Variants in PTPN3 observed in about 807,000 individuals in gnomAD.
PTPN3 encodes protein tyrosine phosphatase non-receptor type 3, also known as tyrosine-protein phosphatase non-receptor type 3.
Under a neutral mutation model 132.7 loss-of-function variants are expected in PTPN3, and 96 were observed. The ratio of observed to expected loss-of-function variants is 0.72; its 90% confidence interval spans 0.61 to 0.86. The LOEUF (loss-of-function observed/expected upper bound fraction) is 0.86. Among genes scored for constraint, PTPN3 ranks in the 40% least tolerant of loss-of-function variants. The pLI is 0.00. For synonymous variants in PTPN3, 398 were observed against 429.0 expected (o/e 0.93, Z 0.89); for missense variants, 1,125 against 1,159.6 (o/e 0.97, Z 0.43).
At chr9:109,380,265 C>CTATCT (rs1310998864) in intron 25 of PTPN3, among the ~76,000 whole-genome samples, 2 of 149,412 alleles carry the variant, frequency 1.3e-5, no homozygotes, top group Admixed American at 1.3e-4. Flanking sequence ...ATCTATCTAT[C>CTATCT]TAGTTTTCAA....
At chr9:109,525,222 T>TA in the PTPN3 span, among the ~76,000 whole-genome samples, 22 of 151,096 alleles carry the variant, frequency 1.5e-4, no homozygotes, top group African/African-American at 4.9e-4. Context: ...CCCAGATAAT[T>TA]AAAAAAAAAT....
chr9:109,512,118 A>G, the PTPN3 span, among the ~76,000 whole-genome samples: 1 of 152,172 alleles, frequency 6.6e-6, no homozygotes, highest in African/African-American at 2.4e-5. Flanking sequence ...CCACATTTTT[A>G]TCATCAGGGC....
chr9:109,437,482 G>A (rs892646312), intron 8 of PTPN3, among the ~76,000 whole-genome samples: 1 of 152,202 alleles, frequency 6.6e-6, no homozygotes, highest in Admixed American at 6.5e-5. Context: ...CAAGAAGAGA[G>A]CAGCCCCTTG....
At chr9:109,409,837 T>G (rs181103104) in intron 16 of PTPN3, among the ~76,000 whole-genome samples, 162 bp downstream of exon 16, 8 of 151,726 alleles carry the variant, frequency 5.3e-5, no homozygotes, top group Admixed American at 1.3e-4. Context: ...CCCAAATATC[T>G]CAAACCAAAC....
chr9:109,466,403 C>T (rs555907864), intron 1 of PTPN3, among the ~76,000 whole-genome samples: 22 of 152,230 alleles, frequency 1.4e-4, no homozygotes, highest in Admixed American at 1.4e-3. Context: ...CTCTGGAGGC[C>T]AAGGTGGGAG....
At chr9:109,412,188 T>C (rs1019248115) in intron 14 of PTPN3, among the ~76,000 whole-genome samples, 1 of 151,858 alleles carries the variant, frequency 6.6e-6, no homozygotes, top group Non-Finnish European at 1.5e-5. Context: ...TCCCTCTCTC[T>C]CCCTCCCTGC....
intron 1 of PTPN3, among the ~76,000 whole-genome samples, chr9:109,467,798 T>C (rs1375600765): frequency 1.3e-5 from 2 of 152,202 alleles, no homozygotes; most frequent in Non-Finnish European, 2.9e-5. Flanking sequence ...TTAGCAATGA[T>C]GCTGTCCAGC....
intron 22 of PTPN3, 147 bp from the exon 23 acceptor site, chr9:109,383,698 G>T: frequency 8.2e-7 from 1 of 1,225,418 alleles, no homozygotes; most frequent in Non-Finnish European, 1.1e-6. Flanking sequence ...AAGTCCATCA[G>T]CTGTTTCTCA....
At chr9:109,446,658 G>A (rs911965322) in intron 6 of PTPN3, among the ~76,000 whole-genome samples, 2 of 152,116 alleles carry the variant, frequency 1.3e-5, no homozygotes, top group South Asian at 2.1e-4. Context: ...ATGGGATTTG[G>A]GGAACAACTT....
intron 19 of PTPN3, among the ~76,000 whole-genome samples, chr9:109,398,828 C>T (rs926491784): frequency 6.6e-6 from 1 of 152,140 alleles, no homozygotes; most frequent in Non-Finnish European, 1.5e-5. Context: ...AGATCCTGTC[C>T]TTTGCTTAAA....
Position 109,436,856 on chromosome 9 carries a change from G to C in PTPN3, c.675+27C>G, listed in dbSNP as rs369829658. ...AGATTAAAATAAAAACATAATGTTT[G>C]AGCCAAGACATAACAAGAATACATA... is the stretch of plus-strand genomic sequence containing the variant. On this transcript the variant is annotated intron_variant, in intron 9 of 25. Transcript: ENST00000374541. 5.7e-6 allele frequency: 9 copies of C among 1,591,708 alleles called. No homozygotes were observed. The African/African-American group carries it at 1.2e-4, about 22-fold the overall frequency.
chr9:109,487,803 A>G (rs1391697399), intron 1 of PTPN3, among the ~76,000 whole-genome samples: 1 of 152,240 alleles, frequency 6.6e-6, no homozygotes, highest in African/African-American at 2.4e-5. Flanking sequence ...TACATGGCCC[A>G]TCTGATAAAC....
In PTPN3 at chr9:109,391,489, A is replaced by T; in HGVS notation, c.2026T>A (p.Tyr676Asn). ...TACTCACAAGGCAGCACATCTTTAT[A>T]TCGGTTTTTGTCCAAATTTTGAGGC... is the stretch of plus-strand genomic sequence containing the variant. ...KLPQNLDKNRYKDVLPYDTTR... is the reference protein window; with the variant it reads ...KLPQNLDKNRNKDVLPYDTTR... Residue 676 changes from tyrosine (Y) to asparagine (N), a missense_variant, in exon 20 of 26, where the codon TAT becomes AAT. Physicochemically the swap from Tyr to Asn is moderately radical, Grantham distance 143. Transcript: ENST00000374541. 6.2e-7 allele frequency: 1 copy of T among 1,613,604 alleles called. No individual in the cohort carries two copies. Among genetic ancestry groups the T allele is most frequent in the African/African-American group, 1.3e-5 (1 of 75,048 alleles).
intron 19 of PTPN3, among the ~76,000 whole-genome samples, chr9:109,393,895 A>G (rs1309514594): frequency 6.6e-6 from 1 of 152,260 alleles, no homozygotes; most frequent in South Asian, 2.1e-4. Flanking sequence ...GATAATTAAC[A>G]TAGAGAGTTT....
At chr9:109,410,513 G>A (rs2131767737) in intron 14 of PTPN3, 98 bp from the exon 15 acceptor site, 1 of 1,338,514 alleles carries the variant, frequency 7.5e-7, no homozygotes, top group African/African-American at 1.5e-5. Flanking sequence ...GGGGCTGTAT[G>A]TTTCCCTGGA....
intron 23 of PTPN3, among the ~76,000 whole-genome samples, chr9:109,382,751 G>GTTTT (rs113019092): frequency 7.9e-6 from 1 of 127,184 alleles, no homozygotes; most frequent in Non-Finnish European, 1.7e-5. Context: ...CATGCTGACT[G>GTTTT]TTTTTTTTTT....
intron 17 of PTPN3, among the ~76,000 whole-genome samples, chr9:109,407,351 T>G (rs1841650469): frequency 1.3e-5 from 2 of 152,058 alleles, no homozygotes; most frequent in South Asian, 4.2e-4. Flanking sequence ...CATTCCAGCC[T>G]GGGTGACAGA....
chr9:109,435,079 G>A (rs1843939194), intron 9 of PTPN3, among the ~76,000 whole-genome samples: 1 of 152,212 alleles, frequency 6.6e-6, no homozygotes, highest in African/African-American at 2.4e-5. Flanking sequence ...AACAGAGGGA[G>A]TATGAAGCAG....
intron 22 of PTPN3, 126 bp from the exon 23 acceptor site, chr9:109,383,677 C>G: frequency 7.5e-7 from 1 of 1,327,882 alleles, no homozygotes; most frequent in Non-Finnish European, 1.0e-6. Context: ...TGGGAGAAAA[C>G]AAACTCAGCC....
Sources: allele counts gnomAD v4.1 joint callset (sites outside exome capture counted in the v4.1 genomes callset), GRCh38; gene constraint gnomAD v4.1.1; transcripts MANE v1.5; gene names NCBI Gene and HGNC (gene_info 2026-07-23, HGNC 2026-07-21).